The following SPEF2 variants were observed in gnomAD, a reference collection of about 807,000 sequenced individuals.
The protein encoded by SPEF2 is sperm flagella and cilia-associated protein 2.
Under a neutral mutation model 224.6 loss-of-function variants are expected in SPEF2, and 187 were observed. The ratio of observed to expected loss-of-function variants is 0.83; its 90% CI spans 0.74 to 0.94. The LOEUF (loss-of-function observed/expected upper bound fraction) is 0.94, where lower values mean the gene tolerates loss of function less well. SPEF2 is among the 40% of genes least tolerant of loss of function. The pLI is 0.00. For synonymous variants in SPEF2, 715 were observed against 707.3 expected, an observed-to-expected ratio of 1.01 and a Z score of -0.17; for missense variants, 2,170 against 2,135.6, an observed-to-expected ratio of 1.02 and a Z score of -0.32.
At position 35,664,851 on chromosome 5, in the gene SPEF2, C is replaced by T. The variant is rs968969527; in HGVS notation, c.1168-2221C>T. On this transcript the variant is annotated intron_variant, in intron 8 of 36. Coordinates refer to ENST00000356031, the MANE Select transcript of SPEF2 (RefSeq NM_024867.4). ...GGAAGGAAGGAGGAGAGAGAGAAAA[C>T]GAGGGAGGAGAACTTTGTGTTTTTC... is the stretch of plus-strand genomic sequence containing the variant. Among the ~76,000 whole-genome samples the T allele has an allele frequency of 1.1e-4, 10 of 94,884 alleles. No homozygotes were observed. In the East Asian group the frequency reaches 1.6e-3, roughly 15 times the overall value. The allele number at this position is 94,884 out of a possible 152,430, so 62.2% of individuals were successfully genotyped here. A position where few individuals can be genotyped will look rare whatever the true frequency, so the allele number is the denominator to read the frequency against.
chr5:35,658,265 T>C (rs577564665), intron 7 of SPEF2, among the ~76,000 whole-genome samples: 26 of 152,302 alleles, frequency 1.7e-4, no homozygotes, highest in African/African-American at 5.8e-4. Context: ...CCACTGTTCA[T>C]TTACTGGTCA....
intron 25 of SPEF2, 123 bp from the exon 26 acceptor site, chr5:35,763,399 T>C (rs1301608380): frequency 3.3e-6 from 3 of 905,704 alleles, no homozygotes; most frequent in Non-Finnish European, 4.7e-6. Context: ...AATAATTCTT[T>C]CAGGAAAACT....
intron 20 of SPEF2, among the ~76,000 whole-genome samples, chr5:35,726,778 A>C (rs1744715819): frequency 6.6e-6 from 1 of 152,176 alleles, no homozygotes; most frequent in Non-Finnish European, 1.5e-5. Context: ...TTTTAAACGG[A>C]GTGAATTTCC....
chr5:35,664,113 T>C (rs1426145143), intron 8 of SPEF2, among the ~76,000 whole-genome samples: 1 of 152,094 alleles, frequency 6.6e-6, no homozygotes, highest in Admixed American at 6.6e-5. Flanking sequence ...CATATGCCCC[T>C]TCTTGTCTAG....
rs546565591 is a variant in SPEF2 at position 35,715,447 on chromosome 5, A to G, written c.2914+2561A>G. Among the ~76,000 whole-genome samples, 46 of 152,168 alleles carry G rather than the reference A, an allele frequency of 3.0e-4. No individual in the cohort carries two copies. In the South Asian group the frequency reaches 9.5e-3, roughly 32 times the overall value. ...TGAAACTTTTATTATACCAATAATA[A>G]CCTGGTATTATATTTTCTGAAGGAA... On this transcript the variant is annotated intron_variant, in intron 20 of 36. Coordinates refer to ENST00000356031, the MANE Select transcript of SPEF2 (RefSeq NM_024867.4).
chr5:35,700,531 G>A lies in SPEF2; in HGVS notation c.2177G>A (p.Gly726Asp). 1 of 1,613,464 alleles carries A rather than the reference G, an allele frequency of 6.2e-7. No individual in the cohort carries two copies. Among genetic ancestry groups the A allele is most frequent in the Non-Finnish European group, 8.5e-7 (1 of 1,179,870 alleles). The change falls in exon 16 of 37, where the codon GGT becomes GAT. Residue 726 changes from glycine (G) to aspartate (D), a missense_variant. Coordinates refer to ENST00000356031, the MANE Select transcript of SPEF2 (RefSeq NM_024867.4). The stretch of plus-strand genomic sequence containing the variant: ...GTGAATCAAGACTGTATCCTAGATG[G>A]TTTTCCAATGACTTTAAACCAAGCA... ...IPVNQDCILD[G>D]FPMTLNQAQL...
intron 24 of SPEF2, among the ~76,000 whole-genome samples, 173 bp downstream of exon 24, chr5:35,753,934 T>C (rs1451600446): frequency 6.6e-6 from 1 of 152,236 alleles, no homozygotes; most frequent in East Asian, 1.9e-4. Flanking sequence ...AAATAATACA[T>C]TTTGACCCAG....
At chr5:35,689,337 A>C (rs1188542757) in intron 10 of SPEF2, among the ~76,000 whole-genome samples, 2 of 152,198 alleles carry the variant, frequency 1.3e-5, no homozygotes, top group African/African-American at 4.8e-5. Flanking sequence ...TATTAAAATT[A>C]TACCATGCAA....
intron 28 of SPEF2, among the ~76,000 whole-genome samples, chr5:35,775,256 C>T (rs1045788613): frequency 2.2e-5 from 3 of 135,264 alleles, no homozygotes; most frequent in Admixed American, 7.3e-5. Context: ...GAGATCCTGT[C>T]TCAAAAAAAA....
intron 8 of SPEF2, 88 bp downstream of exon 8, chr5:35,659,295 C>A: frequency 2.3e-6 from 3 of 1,284,538 alleles, no homozygotes; most frequent in African/African-American, 1.5e-5. Context: ...ATTTTGTTGC[C>A]AATCATCTAA....
chr5:35,667,089 C>T lies in SPEF2; in HGVS notation c.1185C>T (p.Ala395=). The T allele has an allele frequency of 6.2e-7, 1 of 1,604,642 alleles. No homozygotes were observed. Among genetic ancestry groups the T allele is most frequent in the Non-Finnish European group, 8.5e-7 (1 of 1,177,200 alleles). ...CTTTTTAGGCTTTGGCAAAACAAGCCAAGATTGACTTTGAAGAACAATTCC... is the reference window on the plus strand; with the variant it reads ...CTTTTTAGGCTTTGGCAAAACAAGCTAAGATTGACTTTGAAGAACAATTCC... ...LDREAALAKQ[A]KIDFEEQFLK... is the part of the protein sequence containing the mutation. Residue 395 remains alanine, a synonymous_variant, in exon 9 of 37, where the codon GCC becomes GCT. Coordinates refer to ENST00000356031, the MANE Select transcript of SPEF2 (RefSeq NM_024867.4).
intron 1 of SPEF2, among the ~76,000 whole-genome samples, chr5:35,627,183 A>C (rs887552020): frequency 6.6e-6 from 1 of 152,014 alleles, no homozygotes; most frequent in African/African-American, 2.4e-5. Flanking sequence ...ATGATAATAT[A>C]ATTTATTTTG....
chr5:35,766,236 T>C (rs1172322753), intron 26 of SPEF2, among the ~76,000 whole-genome samples: 2 of 152,092 alleles, frequency 1.3e-5, no homozygotes, highest in South Asian at 4.1e-4. Flanking sequence ...TTGGTAGCAT[T>C]CACTAAGAGG....
intron 26 of SPEF2, among the ~76,000 whole-genome samples, chr5:35,770,018 TGTGTGCATGTGC>T (rs1752595328): frequency 1.5e-5 from 2 of 135,556 alleles, no homozygotes; most frequent in Admixed American, 7.2e-5. Context: ...TGTGTGTGTG[TGTGTGCATGTGC>T]GTGTGTGTGT....
intron 25 of SPEF2, 125 bp from the exon 26 acceptor site, chr5:35,763,397 T>C (rs1751616457): frequency 1.1e-6 from 1 of 904,818 alleles, no homozygotes; most frequent in Non-Finnish European, 1.6e-6. Context: ...AAAATAATTC[T>C]TTCAGGAAAA....
At chr5:35,618,927 A>G (rs926439292) in intron 1 of SPEF2, among the ~76,000 whole-genome samples, 3 of 150,076 alleles carry the variant, frequency 2.0e-5, no homozygotes, top group African/African-American at 7.4e-5. Flanking sequence ...ATTTCAGTCC[A>G]TTTTCCCAGA....
intron 28 of SPEF2, among the ~76,000 whole-genome samples, chr5:35,774,355 T>G (rs901876342): frequency 6.6e-6 from 1 of 152,116 alleles, no homozygotes; most frequent in Non-Finnish European, 1.5e-5. Context: ...ATGTTGAAAG[T>G]TCGTATGATT....
At chr5:35,706,866 G>A (rs772204203) in intron 18 of SPEF2, among the ~76,000 whole-genome samples, 62 of 152,258 alleles carry the variant, frequency 4.1e-4, no homozygotes, top group Non-Finnish European at 5.6e-4. Context: ...GGCTTAACAT[G>A]TCATTTGACA....
At chr5:35,809,753 C>T (rs1339108648) in intron 36 of SPEF2, among the ~76,000 whole-genome samples, 3 of 152,144 alleles carry the variant, frequency 2.0e-5, no homozygotes, top group African/African-American at 7.2e-5. Context: ...ATGTTAATTT[C>T]TTCATCCCTA....
Sources: allele counts gnomAD v4.1 joint callset (sites outside exome capture counted in the v4.1 genomes callset), GRCh38; gene constraint gnomAD v4.1.1; transcripts MANE v1.5; gene names NCBI Gene and HGNC (gene_info 2026-07-23, HGNC 2026-07-21).